PDE4DIP: variants seen among roughly 807,000 people sequenced by gnomAD.
PDE4DIP encodes myomegalin.
In PDE4DIP, 59 loss-of-function variants were observed where a neutral mutation model predicts 221.4. The ratio of observed to expected loss-of-function variants is 0.27; its 90% CI spans 0.22 to 0.33. The LOEUF (loss-of-function observed/expected upper bound fraction) is 0.33, where lower values mean the gene tolerates loss of function less well. Ranked by LOEUF, PDE4DIP falls within the 10% of genes least tolerant of loss-of-function variation. The pLI is 1.00. For missense variants in PDE4DIP, 1,036 were observed against 2,154.2 expected (o/e 0.48, Z 10.28); for synonymous variants, 404 against 815.9 (o/e 0.50, Z 8.60).
chr1:148,946,415 C>T (rs1195706623), intron 5 of PDE4DIP, among the ~76,000 whole-genome samples: 4 of 134,310 alleles, frequency 3.0e-5, no homozygotes, highest in Non-Finnish European at 6.4e-5. Flanking sequence ...TGGCGCATGC[C>T]TATAATCCCA....
chr1:148,942,091 C>T (rs1454380517), intron 5 of PDE4DIP: 3 of 152,180 alleles, frequency 2.0e-5, no homozygotes, highest in Admixed American at 6.5e-5. Flanking sequence ...AAGAAGAGCT[C>T]ACAGATCTTG....
chr1:149,006,391 CTT>C (rs2067051207), intron 27 of PDE4DIP: 2 of 152,072 alleles, frequency 1.3e-5, no homozygotes, highest in Non-Finnish European at 2.9e-5. Flanking sequence ...CTTAGGGTCT[CTT>C]GTTTTGGGTC....
chr1:148,930,407 C>A, intron 2 of PDE4DIP: 1 of 151,042 alleles, frequency 6.6e-6, no homozygotes, highest in Middle Eastern at 3.2e-3. Flanking sequence ...GTCCCAGCTA[C>A]TTGGGAGGCT....
In PDE4DIP at chr1:148,961,297, G is replaced by T. The variant is rs587704049; in HGVS notation, c.768+512G>T. ...CACTCAGGCCTGGGCAACAGAGAGA[G>T]ACTCTGTCTCAAAAAAACACTTGCA... is the stretch of plus-strand genomic sequence containing the variant. On this transcript the variant is annotated intron_variant, in intron 6 of 43. Coordinates refer to ENST00000369354, the Ensembl canonical transcript of PDE4DIP. Among the ~76,000 whole-genome samples the T allele has an allele frequency of 8.9e-4, 135 of 152,296 alleles. 1 individual carries two copies. Among genetic ancestry groups the T allele is most frequent in the East Asian group, 7.5e-3 (39 of 5,184 alleles).
At chr1:148,981,133 T>C in intron 20 of PDE4DIP, 137 bp from the exon 24 acceptor site, 1 of 757,422 alleles carries the variant, frequency 1.3e-6, no homozygotes, top group Non-Finnish European at 2.2e-6. Context: ...ACTACATTCA[T>C]TTATTGTGTC....
intron 21 of PDE4DIP, among the ~76,000 whole-genome samples, chr1:148,988,408 CTT>C (rs1420549716): frequency 6.7e-5 from 7 of 103,998 alleles, no homozygotes; most frequent in African/African-American, 1.2e-4. Flanking sequence ...GGGTAACACT[CTT>C]AACCCTAATT....
In PDE4DIP at chr1:148,953,147, G is replaced by A. The variant is rs782597157; in HGVS notation, c.637-7507G>A. 26 of 1,614,020 alleles carry A rather than the reference G, an allele frequency of 1.6e-5. No individual in the cohort carries two copies. Among genetic ancestry groups the A allele is most frequent in the South Asian group, 8.8e-5 (8 of 91,080 alleles). On this transcript the variant is annotated intron_variant, in intron 5 of 43. Transcript: ENST00000369354. Reference sequence around the variant, plus strand: ...GGTTGACATGTCCGTCTTACCCGATGCGAGATACTCTGCACTGCTCCAGGA... The same window carrying A: ...GGTTGACATGTCCGTCTTACCCGATACGAGATACTCTGCACTGCTCCAGGA...
intron 1 of PDE4DIP, among the ~76,000 whole-genome samples, chr1:148,846,527 G>C (rs1458382043): frequency 1.7e-5 from 1 of 57,300 alleles, no homozygotes; most frequent in Non-Finnish European, 3.2e-5. Flanking sequence ...GAGGCTGAGG[G>C]GGGCGGATTA....
intron 5 of PDE4DIP, chr1:148,939,699 A>G (rs1256881369): frequency 7.2e-5 from 11 of 152,240 alleles, no homozygotes; most frequent in Non-Finnish European, 1.6e-4. Flanking sequence ...ATATTTCGTA[A>G]TACATTTAAT....
chr1:148,844,338 G>T (rs1553380207), intron 1 of PDE4DIP, 90 bp from the exon 1 acceptor site: 7 of 740,958 alleles, frequency 9.4e-6, no homozygotes, highest in Non-Finnish European at 1.7e-6. Context: ...TGTAACCTGG[G>T]CCGATTCTGC....
At chr1:148,813,998 G>T (rs1488483391) in intron 1 of PDE4DIP, among the ~76,000 whole-genome samples, 1 of 21,516 alleles carries the variant, frequency 4.6e-5, no homozygotes, top group African/African-American at 2.8e-4. Context: ...TGTTGCCCAG[G>T]CTGGAGTGCA....
At chr1:148,969,640 T>C (rs1240173831) in intron 14 of PDE4DIP, among the ~76,000 whole-genome samples, 1 of 150,276 alleles carries the variant, frequency 6.7e-6, no homozygotes, top group African/African-American at 2.4e-5. Context: ...TCAGAGGTCA[T>C]GGTGAGAATA....
At chr1:149,024,474 C>G (rs144830139) in exon 38 of PDE4DIP, 446 of 1,459,570 alleles carry the variant, frequency 3.1e-4, no homozygotes, top group Non-Finnish European at 4.1e-4. Context: ...TCACCAAATC[C>G]CTTTGAGCAG....
chr1:148,978,786 A>AGGG (rs2060618596), intron 19 of PDE4DIP, among the ~76,000 whole-genome samples: 1 of 152,148 alleles, frequency 6.6e-6, no homozygotes. Context: ...ACCATGGTAA[A>AGGG]GCTGTCAATC....
chr1:148,940,832 A>G (rs1176047860), intron 5 of PDE4DIP, among the ~76,000 whole-genome samples: 1 of 151,834 alleles, frequency 6.6e-6, no homozygotes, highest in African/African-American at 2.4e-5. Flanking sequence ...CTCAATTTAC[A>G]TAGTAGTTTA....
At chr1:148,983,952 A>T (rs1445285990) in intron 21 of PDE4DIP, 1 of 152,090 alleles carries the variant, frequency 6.6e-6, no homozygotes, top group Non-Finnish European at 1.5e-5. Context: ...AATGGTTCTA[A>T]GAGTTCAGGG....
chr1:148,859,653 A>G (rs1553398678), intron 1 of PDE4DIP, among the ~76,000 whole-genome samples: 1 of 148,220 alleles, frequency 6.7e-6, no homozygotes, highest in African/African-American at 2.6e-5. Context: ...CGAACCACAT[A>G]TTAGCTGAGC....
At chr1:148,948,141 T>G (rs2052262459) in intron 5 of PDE4DIP, among the ~76,000 whole-genome samples, 2 of 143,730 alleles carry the variant, frequency 1.4e-5, no homozygotes, top group African/African-American at 5.2e-5. Context: ...AGTAAATGCT[T>G]GTAAATGTAT....
At chr1:149,006,564 C>T (rs1295627178) in intron 27 of PDE4DIP, 1 of 151,942 alleles carries the variant, frequency 6.6e-6, no homozygotes, top group Non-Finnish European at 1.5e-5. Flanking sequence ...GCTAATTATT[C>T]ATTGAGTAAC....
Sources: allele counts gnomAD v4.1 joint callset (sites outside exome capture counted in the v4.1 genomes callset), GRCh38; gene constraint gnomAD v4.1.1; transcripts MANE v1.5; gene names NCBI Gene and HGNC (gene_info 2026-07-23, HGNC 2026-07-21).